ZNF142: variants seen among roughly 807,000 people sequenced by gnomAD.
The protein encoded by ZNF142 is zinc finger protein 142, also known as zinc finger protein 142 (clone pHZ-49).
ZNF142 carries 96 observed loss-of-function variants against 132.1 expected under a neutral mutation model. The observed-to-expected ratio is 0.73, with a 90% CI of 0.62 to 0.86. ZNF142 has a LOEUF of 0.86. ZNF142 is among the 40% of genes least tolerant of loss of function. The probability of loss-of-function intolerance (pLI) is 0.00; values close to 1 mark genes in which losing one functional copy is unlikely to be tolerated. For missense variants in ZNF142, 2,163 were observed against 2,336.2 expected, an observed-to-expected ratio of 0.93 and a Z score of 1.53; for synonymous variants, 842 against 890.1, an observed-to-expected ratio of 0.95 and a Z score of 0.96.
At position 218,637,066 on chromosome 2, in the gene ZNF142, T is replaced by G; in HGVS notation, c.*1273A>C. 2.6e-6 allele frequency: 1 copy of G among 389,474 alleles called. No homozygotes were observed. 24.1% of individuals were successfully genotyped at this position (389,474 alleles called of 1,614,324 possible). The stretch of plus-strand genomic sequence containing the variant: ...CCAGCAAAGATTAGGGAAAGAGACT[T>G]GACCCCAGGACTGTACTACGACTCT... On this transcript the variant is annotated 3_prime_UTR_variant, in exon 11 of 11. Transcript: ENST00000411696.
Position 218,634,713 on chromosome 2 carries a change from T to A in ZNF142, c.*3626A>T. The A allele has an allele frequency of 6.8e-7, 1 of 1,465,848 alleles. No individual in the cohort carries two copies. The highest frequency in any genetic ancestry group is 9.3e-7 in the Non-Finnish European group (1 of 1,073,718). 90.8% of individuals were successfully genotyped at this position (1,465,848 alleles called of 1,614,324 possible). On this transcript the variant is annotated 3_prime_UTR_variant, in exon 11 of 11. Transcript: ENST00000411696. The surrounding 1 kb of genome is among the most constrained non-coding windows in gnomAD (Gnocchi z 4.0). The stretch of plus-strand genomic sequence containing the variant: ...AAGAGGTGGCTAGGCCTGACCGGAA[T>A]GTAGAGGCCGGATAGCCTATTAACA...
intron 4 of ZNF142, among the ~76,000 whole-genome samples, chr2:218,654,074 T>TA (rs1938259333): frequency 6.6e-6 from 1 of 152,150 alleles, no homozygotes; most frequent in Non-Finnish European, 1.5e-5. Context: ...AAAATAATTT[T>TA]AAAAAATAAA....
intron 10 of ZNF142, 124 bp downstream of exon 10, chr2:218,640,540 G>C: frequency 1.2e-6 from 1 of 804,926 alleles, no homozygotes. Flanking sequence ...ACCCCACCCT[G>C]CTGTCTACTC....
chr2:218,645,049 C>G lies in ZNF142; in HGVS notation c.2067G>C (p.Gln689His), dbSNP rs1352651759. ...HAGDLRYQCN[Q>H]CSYRCHRADQ... ...CAGCCCGGTGACAGCGATAGGAGCA[C>G]TGGTTGCACTGATACCTGGCAAGGA... Residue 689 changes from glutamine to histidine, a missense_variant, in exon 9 of 11, where the codon CAG (glutamine) becomes CAC (histidine). Coordinates refer to ENST00000411696, the MANE Select transcript of ZNF142 (RefSeq NM_001379659.1). 6.2e-7 allele frequency: 1 copy of G among 1,607,840 alleles called. No individual in the cohort carries two copies. Among genetic ancestry groups the G allele is most frequent in the Middle Eastern group, 1.7e-4 (1 of 5,884 alleles).
At chr2:218,639,479 G>A (rs1384837585) in intron 10 of ZNF142, among the ~76,000 whole-genome samples, 1 of 152,150 alleles carries the variant, frequency 6.6e-6, no homozygotes, top group African/African-American at 2.4e-5. Flanking sequence ...TGGTCACAGA[G>A]TACTCATGGA....
chr2:218,643,435 G>C lies in ZNF142; in HGVS notation c.3681C>G (p.His1227Gln). The C allele has an allele frequency of 6.2e-7, 1 of 1,614,238 alleles. No individual in the cohort carries two copies. Among genetic ancestry groups the C allele is most frequent in the South Asian group, 1.1e-5 (1 of 91,086 alleles). ...AACAAAGGAATGGGCAGGAGTTGCA[G>C]TGAAACTTGCCCTGCTCAAAGCGGT... ...KKHRFEQGKF[H>Q]CNSCPFLCSR... Residue 1227 changes from histidine (H) to glutamine (Q), a missense_variant, in exon 9 of 11, where the codon CAC becomes CAG. His to Gln is a conservative substitution (Grantham distance 24). Coordinates refer to ENST00000411696, the MANE Select transcript of ZNF142 (RefSeq NM_001379659.1).
chr2:218,641,243 ATT>A (rs71276228), intron 9 of ZNF142, among the ~76,000 whole-genome samples: 228 of 103,884 alleles, frequency 2.2e-3, no homozygotes, highest in Non-Finnish European at 2.7e-3. Context: ...CTGGCCGATA[ATT>A]TTTTTTTTTT....
chr2:218,651,176 T>C (rs1306897988), intron 5 of ZNF142, among the ~76,000 whole-genome samples: 1 of 152,096 alleles, frequency 6.6e-6, no homozygotes, highest in Non-Finnish European at 1.5e-5. Context: ...GAGACAGCAT[T>C]TCACCACATT....
intron 8 of ZNF142, among the ~76,000 whole-genome samples, chr2:218,645,328 T>C (rs1288457970): frequency 6.6e-6 from 1 of 152,166 alleles, no homozygotes; most frequent in East Asian, 1.9e-4. Flanking sequence ...GGGCCTGTGT[T>C]CTAAGCCCTA....
In ZNF142 at chr2:218,651,900, G is replaced by C; in HGVS notation, c.681C>G (p.Phe227Leu). ...THRAVPVPCS[F>L]RGCPLLFGSQ... The stretch of plus-strand genomic sequence containing the variant: ...TCCCGAAAAGCAGGGGGCAGCCCCG[G>C]AAAGAACAGGGCACAGGAACTGCTC... The change falls in exon 5 of 11, where the codon TTC becomes TTG. Residue 227 changes from phenylalanine to leucine, a missense_variant. By Grantham distance (22) the Phe-to-Leu change is conservative. Around this residue, in one of 7 missense-constraint regions of ZNF142, gnomAD observed 195 missense variants for 172.4 expected, o/e 1.13. Coordinates refer to ENST00000411696, the MANE Select transcript of ZNF142 (RefSeq NM_001379659.1). The C allele has an allele frequency of 7.8e-7, 1 of 1,285,774 alleles. No individual in the cohort carries two copies. Among genetic ancestry groups the C allele is most frequent in the East Asian group, 5.6e-5 (1 of 18,002 alleles). The allele number at this position is 1,285,774 out of a possible 1,614,324, so 79.6% of individuals were successfully genotyped here.
At chr2:218,638,974 CTTT>C (rs941494069) in intron 10 of ZNF142, among the ~76,000 whole-genome samples, 166 bp from the exon 11 acceptor site, 3 of 152,034 alleles carry the variant, frequency 2.0e-5, no homozygotes, top group African/African-American at 2.4e-5. Flanking sequence ...TTTCTTTTTT[CTTT>C]TATTTTTCTT....
Position 218,646,203 on chromosome 2 carries a change from A to C in ZNF142, c.2019T>G (p.Arg673=). The C allele has an allele frequency of 6.2e-7, 1 of 1,614,054 alleles. No individual in the cohort carries two copies. The highest frequency in any genetic ancestry group is 8.5e-7 in the Non-Finnish European group (1 of 1,180,028). The change falls in exon 8 of 11, where the codon CGT becomes CGG. Residue 673 remains arginine (R), a synonymous_variant. Coordinates refer to ENST00000411696, the MANE Select transcript of ZNF142 (RefSeq NM_001379659.1). Reference sequence around the variant, plus strand: ...CCCCTGCATGTTTTCGCATGTGCACACGGAGGTAGTGCTTCCACTTGGTGA... The same window carrying C: ...CCCCTGCATGTTTTCGCATGTGCACCCGGAGGTAGTGCTTCCACTTGGTGA... The part of the protein sequence containing the change: ...GYVTKWKHYL[R]VHMRKHAGDL...
Position 218,634,442 on chromosome 2 carries a change from C to T in ZNF142, c.*3897G>A. 1 of 1,606,886 alleles carries T rather than the reference C, an allele frequency of 6.2e-7. No homozygotes were observed. The highest frequency in any genetic ancestry group is 8.5e-7 in the Non-Finnish European group (1 of 1,176,624). Reference sequence around the variant, plus strand: ...CCATGGTGAATCTTGCTCTTCTTTTCTCCTGGGGCCCTCAGTGGCCATGAA... The same window carrying T: ...CCATGGTGAATCTTGCTCTTCTTTTTTCCTGGGGCCCTCAGTGGCCATGAA... On this transcript the variant is annotated 3_prime_UTR_variant, in exon 11 of 11. Transcript: ENST00000411696. The surrounding 1 kb of genome is among the most constrained non-coding windows in gnomAD (Gnocchi z 4.0).
At position 218,635,874 on chromosome 2, in the gene ZNF142, A is replaced by G; in HGVS notation, c.*2465T>C. The G allele has an allele frequency of 6.2e-7, 1 of 1,613,976 alleles. No individual in the cohort carries two copies. The highest frequency in any genetic ancestry group is 1.7e-5 in the Admixed American group (1 of 60,026). On this transcript the variant is annotated 3_prime_UTR_variant, in exon 11 of 11. Coordinates refer to ENST00000411696, the MANE Select transcript of ZNF142 (RefSeq NM_001379659.1). ...TGTGGATCCACTGGTGAAAGTGCAG[A>G]TCTTTGGCGTTCGTCTAGACACAGC... is the stretch of plus-strand genomic sequence containing the variant.
chr2:218,650,907 A>C (rs557995948), intron 5 of ZNF142, among the ~76,000 whole-genome samples: 7 of 151,358 alleles, frequency 4.6e-5, no homozygotes, highest in African/African-American at 1.7e-4. Context: ...CTGCTCTCTC[A>C]TGCTTTTTTG....
intron 3 of ZNF142, among the ~76,000 whole-genome samples, chr2:218,656,975 G>A (rs892038171): frequency 2.0e-4 from 31 of 152,108 alleles, no homozygotes; most frequent in African/African-American, 7.5e-4. Flanking sequence ...TGCCACACAC[G>A]CCCAGGTAAA....
rs200895363 is a variant in ZNF142, at chr2:218,642,629, C to A, written c.4487G>T (p.Ser1496Ile). The A allele has an allele frequency of 6.2e-7, 1 of 1,614,052 alleles. No homozygotes were observed. The change falls in exon 9 of 11, where the codon AGC becomes ATC. Residue 1496 changes from serine (S) to isoleucine (I), a missense_variant. Ser to Ile is a moderately radical substitution (Grantham distance 142). Transcript: ENST00000411696. This position sits in a 1 kb window ranked among gnomAD's most constrained non-coding sequence, Gnocchi z 4.6. ...ATGCTGCTTAAGTGCTGTCTCTGAG[C>A]TGAACTGGGCTTCACACTGGGAGCA... is the stretch of plus-strand genomic sequence containing the variant. Reference protein sequence around the residue: ...FACSQCEAQFSSETALKQHAL... With the variant: ...FACSQCEAQFISETALKQHAL...
Position 218,636,519 on chromosome 2 carries a change from C to T in ZNF142, c.*1820G>A. The T allele has an allele frequency of 6.2e-7, 1 of 1,614,006 alleles. No homozygotes were observed. ...TCCAAAGATGGCATCAGCCTCCGCC[C>T]AGCTTCCATCTTTGTGTATATCTGC... On this transcript the variant is annotated 3_prime_UTR_variant, in exon 11 of 11. Coordinates refer to ENST00000411696, the MANE Select transcript of ZNF142 (RefSeq NM_001379659.1).
chr2:218,641,519 CA>C (rs748847796), intron 9 of ZNF142, among the ~76,000 whole-genome samples: 11 of 152,066 alleles, frequency 7.2e-5, no homozygotes, highest in Non-Finnish European at 1.3e-4. Context: ...GCTGGGATTA[CA>C]GGCGTGAGCC....
Sources: gnomAD v4.1 joint callset for allele counts (sites outside exome capture counted in the v4.1 genomes callset) on GRCh38, gnomAD v4.1.1 for gene constraint, gnomAD v4.1.1 regional missense constraint, Gnocchi (gnomAD v3.1) non-coding constraint, MANE v1.5 for transcripts, NCBI Gene and HGNC (gene_info 2026-07-23, HGNC 2026-07-21) for gene names.